Variants in APAF1 observed in about 807,000 individuals in gnomAD.
APAF1 encodes the protein apoptotic protease-activating factor 1.
APAF1 carries 91 observed loss-of-function variants against 152.4 expected under a neutral mutation model. The ratio of observed to expected loss-of-function variants is 0.60; its 90% CI spans 0.50 to 0.71. APAF1 has a LOEUF of 0.71. Among genes scored for constraint, APAF1 ranks in the 30% least tolerant of loss-of-function variants. APAF1 has a pLI of 0.00. For synonymous variants in APAF1, 484 were observed against 494.1 expected, an observed-to-expected ratio of 0.98 and a Z score of 0.27; for missense variants, 1,283 against 1,472.0, an observed-to-expected ratio of 0.87 and a Z score of 2.10.
intron 18 of APAF1, among the ~76,000 whole-genome samples, chr12:98,704,925 G>A (rs1467596087): frequency 1.3e-5 from 2 of 152,010 alleles, no homozygotes; most frequent in African/African-American, 4.8e-5. Flanking sequence ...GATTACAGGT[G>A]CCCACCAGCA....
At chr12:98,723,132 A>C in intron 22 of APAF1, 61 bp from the exon 23 acceptor site, 4 of 1,552,892 alleles carry the variant, frequency 2.6e-6, no homozygotes, top group East Asian at 2.3e-5. Context: ...CACTCTCTCC[A>C]CCCCTCCAAT....
chr12:98,695,617 A>G (rs1257641583), intron 16 of APAF1, among the ~76,000 whole-genome samples: 1 of 152,200 alleles, frequency 6.6e-6, no homozygotes, highest in Non-Finnish European at 1.5e-5. Flanking sequence ...ATTTAGAAAA[A>G]AGACTTTCTC....
intron 4 of APAF1, among the ~76,000 whole-genome samples, chr12:98,656,320 C>T (rs1445798137): frequency 6.6e-6 from 1 of 152,186 alleles, no homozygotes; most frequent in Admixed American, 6.5e-5. Flanking sequence ...ATACAGAACA[C>T]AGCTTTAAGT....
intron 5 of APAF1, 32 bp from the exon 6 acceptor site, chr12:98,662,424 C>A: frequency 6.9e-7 from 1 of 1,444,542 alleles, no homozygotes; most frequent in Non-Finnish European, 9.7e-7. Context: ...AGATAAGTGT[C>A]ATTAGTGATT....
chr12:98,683,736 T>G (rs1485408695), intron 15 of APAF1, among the ~76,000 whole-genome samples: 1 of 152,170 alleles, frequency 6.6e-6, no homozygotes, highest in African/African-American at 2.4e-5. Context: ...CAGTGGACAG[T>G]AGGATGGAAT....
chr12:98,652,338 C>G (rs1436947330), intron 4 of APAF1, among the ~76,000 whole-genome samples: 3 of 152,106 alleles, frequency 2.0e-5, no homozygotes, highest in Admixed American at 2.0e-4. Flanking sequence ...ATGGGGACTC[C>G]GATAATTCTA....
At chr12:98,676,092 C>T (rs925167204) in intron 12 of APAF1, among the ~76,000 whole-genome samples, 13 of 152,150 alleles carry the variant, frequency 8.5e-5, no homozygotes, top group African/African-American at 3.1e-4. Context: ...AAAATAAGCA[C>T]AATACTATTT....
chr12:98,706,621 T>A lies in APAF1; in HGVS notation c.2721+11T>A, dbSNP rs373754920. On this transcript the variant is annotated intron_variant, in intron 19 of 26. Transcript: ENST00000551964. Reference sequence around the variant, plus strand: ...GACCAGACAATCAGGGTGAGAAATATTGAGATTTTCATTTTGAACATTTCC... The same window carrying A: ...GACCAGACAATCAGGGTGAGAAATAATGAGATTTTCATTTTGAACATTTCC... 2.5e-6 allele frequency: 4 copies of A among 1,613,790 alleles called. No individual in the cohort carries two copies. In the African/African-American group the frequency reaches 5.3e-5, roughly 22 times the overall value.
chr12:98,687,751 T>A (rs1273858306), intron 16 of APAF1, among the ~76,000 whole-genome samples: 1 of 152,166 alleles, frequency 6.6e-6, no homozygotes, highest in Non-Finnish European at 1.5e-5. Context: ...TACATGAACT[T>A]TGGGGGACAC....
At chr12:98,684,501 T>A (rs1419407708) in intron 15 of APAF1, among the ~76,000 whole-genome samples, 1 of 102,790 alleles carries the variant, frequency 9.7e-6, no homozygotes, top group African/African-American at 3.8e-5. Flanking sequence ...TCCCTCCTCC[T>A]CCCCCCACCC....
rs145244442 is a variant in APAF1 at position 98,709,072 on chromosome 12, T to A, written c.2841+368T>A. Among the ~76,000 whole-genome samples the A allele has an allele frequency of 3.0e-3, 459 of 152,264 alleles. 3 individuals are homozygous for A. The highest frequency in any genetic ancestry group is 0.01 in the African/African-American group (434 of 41,550). ...TGGAAGCATTTTTAAAAGGGAAGGATTCCAGGGTCTTTGAAAGAACAGAAG... is the reference window on the plus strand; with the variant it reads ...TGGAAGCATTTTTAAAAGGGAAGGAATCCAGGGTCTTTGAAAGAACAGAAG... On this transcript the variant is annotated intron_variant, in intron 20 of 26. Coordinates refer to ENST00000551964, the MANE Select transcript of APAF1 (RefSeq NM_181861.2).
chr12:98,708,755 A>C (rs370370266), intron 20 of APAF1, 51 bp downstream of exon 20: 1 of 1,593,408 alleles, frequency 6.3e-7, no homozygotes, highest in East Asian at 2.2e-5. Context: ...TGAATTTTCT[A>C]TTCACGGTTT....
intron 18 of APAF1, 97 bp downstream of exon 18, chr12:98,703,596 G>GC: frequency 6.7e-7 from 1 of 1,489,488 alleles, no homozygotes; most frequent in Non-Finnish European, 9.3e-7. Flanking sequence ...GAGGAGCCTT[G>GC]CTTGAGAAAT....
chr12:98,730,295 A>G (rs1477615522), intron 26 of APAF1, among the ~76,000 whole-genome samples: 1 of 152,224 alleles, frequency 6.6e-6, no homozygotes, highest in Non-Finnish European at 1.5e-5. Context: ...GATGATGCTT[A>G]GAGGAGAGTC....
intron 12 of APAF1, among the ~76,000 whole-genome samples, chr12:98,676,910 G>A (rs1199655844): frequency 6.6e-6 from 1 of 152,186 alleles, no homozygotes; most frequent in Non-Finnish European, 1.5e-5. Flanking sequence ...CTCCCAAAGT[G>A]CTAGGATTAC....
At chr12:98,727,089 C>A in intron 25 of APAF1, 84 bp from the exon 26 acceptor site, 1 of 1,262,988 alleles carries the variant, frequency 7.9e-7, no homozygotes, top group Non-Finnish European at 1.1e-6. Flanking sequence ...TTTTAGAATA[C>A]ATATATATGG....
intron 4 of APAF1, among the ~76,000 whole-genome samples, chr12:98,650,369 C>G (rs1431416927): frequency 6.6e-6 from 1 of 151,940 alleles, no homozygotes; most frequent in African/African-American, 2.4e-5. Context: ...ACCTGTAATC[C>G]CAGCTACTCG....
At chr12:98,707,724 AC>A (rs2097723227) in intron 19 of APAF1, among the ~76,000 whole-genome samples, 1 of 150,812 alleles carries the variant, frequency 6.6e-6, no homozygotes, top group Non-Finnish European at 1.5e-5. Flanking sequence ...ATATAAATTT[AC>A]TAATTCTCAC....
chr12:98,728,886 C>T (rs917947211), intron 26 of APAF1, among the ~76,000 whole-genome samples: 1 of 152,150 alleles, frequency 6.6e-6, no homozygotes, highest in African/African-American at 2.4e-5. Context: ...GCTTCAGGGT[C>T]ATATTTTTGG....
Sources: allele counts gnomAD v4.1 joint callset (sites outside exome capture counted in the v4.1 genomes callset), GRCh38; gene constraint gnomAD v4.1.1; transcripts MANE v1.5; gene names NCBI Gene and HGNC (gene_info 2026-07-23, HGNC 2026-07-21).